ITGAD: variants seen among roughly 807,000 people sequenced by gnomAD.
The protein encoded by ITGAD is integrin alpha-D.
In ITGAD, 105 loss-of-function variants were observed where a neutral mutation model predicts 139.0. That is an observed-to-expected ratio of 0.76 (90% CI 0.65 to 0.89). The LOEUF is 0.89. Ranked by LOEUF, ITGAD falls within the 40% of genes least tolerant of loss-of-function variation. ITGAD has a pLI of 0.00. For synonymous variants in ITGAD, 569 were observed against 598.3 expected (o/e 0.95, Z 0.71); for missense variants, 1,384 against 1,487.3 (o/e 0.93, Z 1.14).
In ITGAD at chr16:31,426,212, C is replaced by A; in HGVS notation, c.*84C>A. 1.1e-6 allele frequency: 1 copy of A among 890,008 alleles called. No homozygotes were observed. The highest frequency in any genetic ancestry group is 1.8e-6 in the Non-Finnish European group (1 of 543,994). The allele number at this position is 890,008 out of a possible 1,614,324, so 55.1% of individuals were successfully genotyped here. Reference sequence around the variant, plus strand: ...TCAACTTACATGGAAACAACTTCTGCATAGATCTGCACTGGCCTAAGCAAC... The same window carrying A: ...TCAACTTACATGGAAACAACTTCTGAATAGATCTGCACTGGCCTAAGCAAC... On this transcript the variant is annotated 3_prime_UTR_variant, in exon 30 of 30. Transcript: ENST00000389202.
At chr16:31,404,452 C>T (rs1432710509) in intron 7 of ITGAD, 1 of 152,184 alleles carries the variant, frequency 6.6e-6, no homozygotes, top group African/African-American at 2.4e-5. Flanking sequence ...CCAAACGCAC[C>T]CTCTTTACTT....
chr16:31,400,926 C>T (rs1277484306), intron 5 of ITGAD, among the ~76,000 whole-genome samples: 2 of 152,114 alleles, frequency 1.3e-5, no homozygotes, highest in African/African-American at 4.8e-5. Context: ...TTGGGCACCG[C>T]ACCCATGGGA....
chr16:31,420,878 A>G (rs1420427552), intron 23 of ITGAD, among the ~76,000 whole-genome samples: 1 of 151,964 alleles, frequency 6.6e-6, no homozygotes, highest in Non-Finnish European at 1.5e-5. Context: ...ACACCTGTCC[A>G]CTGTTGCTTC....
rs181380607 is a variant in ITGAD, at chr16:31,425,879, C to T, written c.3373-136C>T. The T allele has an allele frequency of 5.2e-6, 3 of 580,018 alleles. No homozygotes were observed. In the East Asian group the frequency reaches 9.3e-5, roughly 18 times the overall value. The allele number at this position is 580,018 out of a possible 1,614,324, so 35.9% of individuals were successfully genotyped here. A position where few individuals can be genotyped will look rare whatever the true frequency, so the allele number is the denominator to read the frequency against. On this transcript the variant is annotated intron_variant, in intron 29 of 29. Transcript: ENST00000389202. ...TATTTTTAGTAGAGACGGGGTTTCA[C>T]CATGTTGGCCAGGCTGGTCTCCAGC...
In ITGAD at chr16:31,402,196, A is replaced by G; in HGVS notation, c.509A>G (p.Lys170Arg). 6.4e-7 allele frequency: 1 copy of G among 1,552,222 alleles called. No homozygotes were observed. The highest frequency in any genetic ancestry group is 8.8e-7 in the Non-Finnish European group (1 of 1,141,306). Residue 170 changes from lysine to arginine, a missense_variant, in exon 6 of 30, where the codon AAG (lysine) becomes AGG (arginine). Coordinates refer to ENST00000389202, the MANE Select transcript of ITGAD (RefSeq NM_005353.3). ...SIDQNDFNQM[K>R]GFVQAVMGQF... ...GACCAAAATGACTTTAACCAGATGA[A>G]GGGCTTTGTCCAAGCTGTCATGGGC...
intron 3 of ITGAD, 30 bp downstream of exon 3, chr16:31,397,492 C>A: frequency 6.3e-7 from 1 of 1,579,470 alleles, no homozygotes; most frequent in Non-Finnish European, 8.6e-7. Flanking sequence ...TTGGGCCCCT[C>A]AACCCTCCTG....
intron 14 of ITGAD, among the ~76,000 whole-genome samples, chr16:31,412,357 A>G (rs1292675012): frequency 1.3e-5 from 2 of 151,902 alleles, no homozygotes; most frequent in Non-Finnish European, 2.9e-5. Flanking sequence ...TTTGCTTTCA[A>G]TTTCTATCTC....
intron 13 of ITGAD, 31 bp from the exon 14 acceptor site, chr16:31,411,277 A>T: frequency 6.2e-7 from 1 of 1,607,412 alleles, no homozygotes; most frequent in Non-Finnish European, 8.5e-7. Flanking sequence ...CGTCACCTGG[A>T]TTGGGGTCTG....
intron 11 of ITGAD, 97 bp downstream of exon 11, chr16:31,410,621 G>A (rs1391956361): frequency 6.4e-7 from 1 of 1,570,578 alleles, no homozygotes; most frequent in Non-Finnish European, 8.6e-7. Context: ...GTGCTGCCTG[G>A]GGTGGGTTCC....
chr16:31,412,924 G>A lies in ITGAD; in HGVS notation c.1794G>A (p.Leu598=), dbSNP rs372280473. ...GTCAGGACCTCACCCAGGATGGACT[G>A]ATGGACCTGGCCGTGGGGGCCCGGG... The part of the protein sequence containing the change: ...SGGQDLTQDG[L]MDLAVGARGQ... Residue 598 remains leucine (L), a synonymous_variant, in exon 15 of 30, where the codon CTG becomes CTA. Coordinates refer to ENST00000389202, the MANE Select transcript of ITGAD (RefSeq NM_005353.3). 2.5e-6 allele frequency: 4 copies of A among 1,612,602 alleles called. No homozygotes were observed. In the African/African-American group the frequency reaches 5.3e-5, roughly 22 times the overall value.
chr16:31,393,569 G>A (rs1253757531), intron 1 of ITGAD, among the ~76,000 whole-genome samples, 178 bp downstream of exon 1: 1 of 152,068 alleles, frequency 6.6e-6, no homozygotes, highest in Non-Finnish European at 1.5e-5. Flanking sequence ...ATGAAGAGGG[G>A]CTCAGGGGCT....
chr16:31,402,059 C>G, intron 5 of ITGAD, 56 bp from the exon 6 acceptor site: 12 of 1,581,906 alleles, frequency 7.6e-6, no homozygotes, highest in Non-Finnish European at 1.0e-5. Context: ...GCAGGAGCTG[C>G]AGGAGGGGGT....
chr16:31,394,908 G>A (rs913159258), intron 2 of ITGAD, among the ~76,000 whole-genome samples: 3 of 152,210 alleles, frequency 2.0e-5, no homozygotes, highest in Admixed American at 1.3e-4. Context: ...TGAACTCCTG[G>A]GCTCAAGCAA....
At position 31,407,840 on chromosome 16, in the gene ITGAD, C is replaced by T. The variant is rs780825217; in HGVS notation, c.933C>T (p.His311=). 62 of 1,611,622 alleles carry T rather than the reference C, an allele frequency of 3.8e-5. No homozygotes were observed. In the Admixed American group the frequency reaches 6.3e-4, roughly 16 times the overall value. ...NTISSAPPQD[H]VFKVDNFAAL... ...TCAGCTCAGCGCCTCCGCAGGACCA[C>T]GTGTTCAAGGTGGACAACTTTGCAG... Residue 311 remains histidine, a synonymous_variant, in exon 9 of 30, where the codon CAC becomes CAT. Coordinates refer to ENST00000389202, the MANE Select transcript of ITGAD (RefSeq NM_005353.3).
intron 16 of ITGAD, among the ~76,000 whole-genome samples, chr16:31,414,035 T>C (rs946790825): frequency 6.6e-6 from 1 of 152,214 alleles, no homozygotes; most frequent in African/African-American, 2.4e-5. Context: ...AGCTAGCTAA[T>C]CTATCATCTA....
chr16:31,422,456 A>G (rs1393623028), intron 23 of ITGAD, among the ~76,000 whole-genome samples: 2 of 152,100 alleles, frequency 1.3e-5, no homozygotes, highest in Non-Finnish European at 2.9e-5. Context: ...GCCCCAGGAC[A>G]GCCGAATCTA....
chr16:31,414,587 C>T lies in ITGAD; in HGVS notation c.2133C>T (p.Thr711=), dbSNP rs2081834237. Residue 711 remains threonine, a synonymous_variant, in exon 17 of 30, where the codon ACC becomes ACT. Coordinates refer to ENST00000389202, the MANE Select transcript of ITGAD (RefSeq NM_005353.3). ...KTLGLGIHCE[T]LKLLLPDCVE... is the part of the protein sequence containing the mutation. ...TGGGACTGGGGATTCACTGTGAAAC[C>T]CTGAAGCTGCTTTTGCCAGTGAGGA... The T allele has an allele frequency of 6.2e-7, 1 of 1,614,086 alleles. No individual in the cohort carries two copies. Among genetic ancestry groups the T allele is most frequent in the East Asian group, 2.2e-5 (1 of 44,892 alleles).
At chr16:31,407,016 C>T (rs1567333044) in intron 7 of ITGAD, among the ~76,000 whole-genome samples, 2 of 152,158 alleles carry the variant, frequency 1.3e-5, no homozygotes, top group Non-Finnish European at 2.9e-5. Context: ...AAGAATGTGA[C>T]TTTTTTTATT....
In ITGAD at chr16:31,423,443, T is replaced by C. The variant is rs755814533; in HGVS notation, c.2951T>C (p.Met984Thr). Residue 984 changes from methionine to threonine, a missense_variant, in exon 25 of 30, where the codon ATG becomes ACG. Coordinates refer to ENST00000389202, the MANE Select transcript of ITGAD (RefSeq NM_005353.3). ...GGGGTGGCTGTGTGGGATGTGGTCA[T>C]GGAGGCCCCATCTCAGGTACCCGCC... ...LNGVAVWDVVMEAPSQSLPCV... is the reference protein window; with the variant it reads ...LNGVAVWDVVTEAPSQSLPCV... 24 of 1,613,914 alleles carry C rather than the reference T, an allele frequency of 1.5e-5. No homozygotes were observed. The Admixed American group carries it at 1.8e-4, about 12-fold the overall frequency.
Sources: gnomAD v4.1 joint callset for allele counts (sites outside exome capture counted in the v4.1 genomes callset) on GRCh38, gnomAD v4.1.1 for gene constraint, MANE v1.5 for transcripts, NCBI Gene and HGNC (gene_info 2026-07-23, HGNC 2026-07-21) for gene names.